CSMD1: variants seen among roughly 807,000 people sequenced by gnomAD.
The protein encoded by CSMD1 is CUB and Sushi multiple domains 1.
Under a neutral mutation model 417.5 loss-of-function variants are expected in CSMD1, and 213 were observed. The observed-to-expected ratio is 0.51, with a 90% confidence interval of 0.46 to 0.57. The LOEUF is 0.57. Among genes scored for constraint, CSMD1 ranks in the 20% least tolerant of loss-of-function variants. CSMD1 has a pLI of 0.00. For synonymous variants in CSMD1, 2,862 were observed against 1,736.8 expected (o/e 1.65, Z -16.11); for missense variants, 6,923 against 4,529.7 (o/e 1.53, Z -15.17).
chr8:3,751,373 T>C (rs1797334238), intron 6 of CSMD1, among the ~76,000 whole-genome samples: 1 of 144,472 alleles, frequency 6.9e-6, no homozygotes, highest in Non-Finnish European at 1.5e-5. Context: ...TATATATAAA[T>C]TATTTATATA....
At chr8:4,378,286 C>A (rs887133097) in intron 3 of CSMD1, among the ~76,000 whole-genome samples, 7 of 152,152 alleles carry the variant, frequency 4.6e-5, no homozygotes, top group African/African-American at 1.7e-4. Flanking sequence ...TTATATAATC[C>A]ATGCAAAGTA....
At chr8:4,359,332 G>GCCCC (rs1801618188) in intron 3 of CSMD1, among the ~76,000 whole-genome samples, 1 of 152,158 alleles carries the variant, frequency 6.6e-6, no homozygotes. Context: ...GGCCAAATAG[G>GCCCC]TACAACATAT....
intron 10 of CSMD1, among the ~76,000 whole-genome samples, chr8:3,554,471 T>A (rs13268548): frequency 6.6e-6 from 1 of 151,770 alleles, no homozygotes; most frequent in African/African-American, 2.4e-5. Flanking sequence ...ACACCCCACA[T>A]TGAGGGGAAG....
chr8:4,925,623 T>C (rs7460957), intron 1 of CSMD1, among the ~76,000 whole-genome samples: 42,059 of 151,214 alleles, frequency 0.28, 7,309 homozygotes, highest in East Asian at 0.53. Flanking sequence ...CTCGGCTCAC[T>C]GCAAGCTCTG....
chr8:2,952,087 T>C (rs982977898), intron 65 of CSMD1, among the ~76,000 whole-genome samples: 2 of 152,196 alleles, frequency 1.3e-5, no homozygotes, highest in East Asian at 3.9e-4. Context: ...AAAATGTGTA[T>C]AAAATCCTGC....
intron 1 of CSMD1, among the ~76,000 whole-genome samples, chr8:4,802,899 G>C (rs372992793): frequency 6.6e-6 from 1 of 152,132 alleles, no homozygotes; most frequent in South Asian, 2.1e-4. Flanking sequence ...TTTTCAAATC[G>C]TGTGACATTA....
At chr8:3,295,815 A>G (rs1415055728) in intron 25 of CSMD1, among the ~76,000 whole-genome samples, 2 of 152,168 alleles carry the variant, frequency 1.3e-5, no homozygotes, top group African/African-American at 4.8e-5. Context: ...ACTTTCCCTG[A>G]TCACTCATAA....
chr8:4,827,687 C>T (rs1799916834), intron 1 of CSMD1, among the ~76,000 whole-genome samples: 1 of 152,032 alleles, frequency 6.6e-6, no homozygotes, highest in Admixed American at 6.6e-5. Context: ...GAAAAACATC[C>T]ATTGAGTAGG....
intron 3 of CSMD1, among the ~76,000 whole-genome samples, chr8:4,098,485 CTG>C (rs1801140480): frequency 1.3e-5 from 2 of 151,960 alleles, no homozygotes; most frequent in African/African-American, 4.8e-5. Context: ...TGTCTAGCTC[CTG>C]TGTTTTAGTT....
intron 1 of CSMD1, among the ~76,000 whole-genome samples, chr8:4,926,178 G>C (rs1469811385): frequency 3.9e-5 from 6 of 152,182 alleles, no homozygotes; most frequent in African/African-American, 1.2e-4. Flanking sequence ...AGCCTATCAA[G>C]TCTGAAATAT....
At chr8:4,271,095 C>A (rs905590083) in intron 3 of CSMD1, among the ~76,000 whole-genome samples, 1 of 152,156 alleles carries the variant, frequency 6.6e-6, no homozygotes, top group Admixed American at 6.6e-5. Context: ...CTTTCAAAGT[C>A]CACTCCTTTT....
At chr8:4,928,093 A>G (rs1432112222) in intron 1 of CSMD1, among the ~76,000 whole-genome samples, 1 of 152,040 alleles carries the variant, frequency 6.6e-6, no homozygotes, top group Non-Finnish European at 1.5e-5. Context: ...CTCCATTCTT[A>G]GCCCTCATCC....
intron 1 of CSMD1, among the ~76,000 whole-genome samples, chr8:4,966,209 CAAAAAAAAAA>C (rs33941630): frequency 1.1e-5 from 1 of 89,138 alleles, no homozygotes; most frequent in Non-Finnish European, 2.3e-5. Context: ...ACTAAATATA[CAAAAAAAAAA>C]AAAAAAAAAA....
intron 1 of CSMD1, among the ~76,000 whole-genome samples, chr8:4,817,445 G>A (rs1799272165): frequency 6.6e-6 from 1 of 152,232 alleles, no homozygotes; most frequent in African/African-American, 2.4e-5. Flanking sequence ...AGAAGTAGGA[G>A]CAAGACGCAC....
intron 1 of CSMD1, among the ~76,000 whole-genome samples, chr8:4,775,793 G>A (rs954324242): frequency 9.2e-5 from 14 of 152,034 alleles, no homozygotes; most frequent in East Asian, 3.9e-4. Context: ...CACTGGGGAT[G>A]GGTCCTCTTA....
chr8:3,493,846 A>G, intron 10 of CSMD1, 120 bp from the exon 11 acceptor site: 1 of 663,918 alleles, frequency 1.5e-6, no homozygotes, highest in Non-Finnish European at 2.6e-6. Flanking sequence ...ATGTCAAATG[A>G]TCCCAGAGCT....
chr8:3,405,973 G>A (rs1249778801), intron 15 of CSMD1, 54 bp downstream of exon 15: 5 of 1,547,524 alleles, frequency 3.2e-6, no homozygotes, highest in East Asian at 2.2e-5. Flanking sequence ...GTGTGTGCCT[G>A]AAGATAGATG....
intron 21 of CSMD1, among the ~76,000 whole-genome samples, chr8:3,348,717 A>T (rs774628234): frequency 6.6e-6 from 1 of 152,222 alleles, no homozygotes; most frequent in African/African-American, 2.4e-5. Context: ...AGAACATTCA[A>T]TGGCAGTAAT....
chr8:3,829,214 G>C (rs368920771), intron 5 of CSMD1, among the ~76,000 whole-genome samples: 6 of 151,980 alleles, frequency 3.9e-5, no homozygotes, highest in Non-Finnish European at 8.8e-5. Context: ...AAAGTCCATT[G>C]TATCCTTCTT....
Sources: allele counts gnomAD v4.1 joint callset (sites outside exome capture counted in the v4.1 genomes callset), GRCh38; gene constraint gnomAD v4.1.1; transcripts MANE v1.5; gene names NCBI Gene and HGNC (gene_info 2026-07-23, HGNC 2026-07-21).